The following EYS variants were observed in gnomAD, a reference collection of about 807,000 sequenced individuals.
EYS encodes the protein protein eyes shut homolog.
Under a neutral mutation model 282.1 loss-of-function variants are expected in EYS, and 250 were observed. The observed-to-expected ratio is 0.89, with a 90% CI of 0.80 to 0.98. The LOEUF is 0.98. Ranked by LOEUF, EYS falls within the 50% of genes least tolerant of loss-of-function variation. The pLI, the probability that EYS is intolerant of heterozygous loss-of-function variation, is 0.00. For missense variants in EYS, 4,016 were observed against 3,709.0 expected, an observed-to-expected ratio of 1.08 and a Z score of -2.15; for synonymous variants, 1,355 against 1,282.9, an observed-to-expected ratio of 1.06 and a Z score of -1.20.
intron 18 of EYS, among the ~76,000 whole-genome samples, chr6:64,898,042 A>C (rs1273509461): frequency 6.6e-6 from 1 of 152,224 alleles, no homozygotes; most frequent in African/African-American, 2.4e-5. Flanking sequence ...TCAGGATATC[A>C]TCTAGGAGAA....
chr6:64,011,396 G>A (rs910666825), intron 33 of EYS, among the ~76,000 whole-genome samples: 1 of 152,100 alleles, frequency 6.6e-6, no homozygotes, highest in African/African-American at 2.4e-5. Flanking sequence ...TAATTTGTGA[G>A]AGGTAGGATG....
intron 8 of EYS, among the ~76,000 whole-genome samples, chr6:65,354,492 T>C (rs1764402226): frequency 6.6e-6 from 1 of 151,684 alleles, no homozygotes; most frequent in Admixed American, 6.6e-5. Flanking sequence ...ACAACAACCT[T>C]AAAGTATGAG....
In EYS at chr6:65,344,018, A is replaced by G; in HGVS notation, c.1599+20T>C. 6.2e-7 allele frequency: 1 copy of G among 1,602,408 alleles called. No individual in the cohort carries two copies. Among genetic ancestry groups the G allele is most frequent in the African/African-American group, 1.3e-5 (1 of 74,602 alleles). Reference sequence around the variant, plus strand: ...AAGCTAAAGAGAAAAATGAAAAGCAACTACATAAAATTACCTTACCTCTTT... The same window carrying G: ...AAGCTAAAGAGAAAAATGAAAAGCAGCTACATAAAATTACCTTACCTCTTT... On this transcript the variant is annotated intron_variant, in intron 10 of 42. Transcript: ENST00000503581.
intron 24 of EYS, among the ~76,000 whole-genome samples, chr6:64,593,881 T>C (rs1582933176): frequency 6.6e-6 from 1 of 152,078 alleles, no homozygotes; most frequent in East Asian, 1.9e-4. Context: ...TGAATGAAAA[T>C]TGCGATAATG....
At chr6:65,243,881 C>T (rs1767115258) in intron 12 of EYS, among the ~76,000 whole-genome samples, 1 of 152,218 alleles carries the variant, frequency 6.6e-6, no homozygotes, top group Admixed American at 6.5e-5. Flanking sequence ...TGAACTCTAG[C>T]CTAGGTGACT....
At chr6:64,819,327 T>C (rs1255018757) in intron 21 of EYS, among the ~76,000 whole-genome samples, 1 of 152,162 alleles carries the variant, frequency 6.6e-6, no homozygotes. Flanking sequence ...AGAGTACACT[T>C]AATGTATTAG....
chr6:64,408,082 T>C (rs950667571), intron 28 of EYS, among the ~76,000 whole-genome samples: 2 of 152,068 alleles, frequency 1.3e-5, no homozygotes, highest in African/African-American at 4.8e-5. Flanking sequence ...CCATAAATTA[T>C]CTTTGGAGTA....
At position 63,804,650 on chromosome 6, in the gene EYS, C is replaced by T. The variant is rs142953666; in HGVS notation, c.7411+1540G>A. On this transcript the variant is annotated intron_variant, in intron 37 of 42. Coordinates refer to ENST00000503581, the MANE Select transcript of EYS (RefSeq NM_001142800.2). ...AAAAGCACAGAGATAGTGAGAGTGG[C>T]CTGGTTGTGTTCAGAGATGCAGACT... Among the ~76,000 whole-genome samples, 338 of 152,238 alleles carry T rather than the reference C, an allele frequency of 2.2e-3. 1 individual carries two copies. Among genetic ancestry groups the T allele is most frequent in the African/African-American group, 7.8e-3 (324 of 41,532 alleles).
chr6:64,116,471 G>A (rs149902236), intron 31 of EYS, among the ~76,000 whole-genome samples: 1 of 152,188 alleles, frequency 6.6e-6, no homozygotes, highest in African/African-American at 2.4e-5. Flanking sequence ...ATCACAAAGA[G>A]ACAGAAAGGA....
chr6:63,736,862 G>C (rs1768926968), intron 41 of EYS, among the ~76,000 whole-genome samples: 1 of 152,136 alleles, frequency 6.6e-6, no homozygotes, highest in East Asian at 1.9e-4. Flanking sequence ...GTGAATGGGA[G>C]TTCACTCATG....
intron 2 of EYS, among the ~76,000 whole-genome samples, chr6:65,606,680 T>A (rs556179470): frequency 5.9e-5 from 9 of 151,966 alleles, no homozygotes; most frequent in African/African-American, 2.2e-4. Context: ...AACAATTTAA[T>A]ACATTTAAAA....
chr6:65,641,183 G>A (rs1436306499), intron 1 of EYS, among the ~76,000 whole-genome samples: 1 of 152,226 alleles, frequency 6.6e-6, no homozygotes, highest in Non-Finnish European at 1.5e-5. Flanking sequence ...GGAAGCAACA[G>A]CCATAACCTC....
chr6:64,164,567 T>C (rs1775208659), intron 31 of EYS, among the ~76,000 whole-genome samples: 1 of 152,090 alleles, frequency 6.6e-6, no homozygotes, highest in East Asian at 1.9e-4. Context: ...ATAGCCACCA[T>C]GTTGATATTG....
intron 35 of EYS, among the ~76,000 whole-genome samples, chr6:63,973,057 T>C (rs1766659831): frequency 6.6e-6 from 1 of 152,162 alleles, no homozygotes; most frequent in African/African-American, 2.4e-5. Flanking sequence ...TTATAATCCT[T>C]TGGGTATATA....
intron 29 of EYS, among the ~76,000 whole-genome samples, chr6:64,358,251 C>T (rs1452279485): frequency 6.6e-6 from 1 of 151,730 alleles, no homozygotes; most frequent in Non-Finnish European, 1.5e-5. Flanking sequence ...GTCAAAATAG[C>T]ATCTGAAAGG....
intron 2 of EYS, among the ~76,000 whole-genome samples, chr6:65,544,270 T>C (rs1277496793): frequency 6.6e-6 from 1 of 152,134 alleles, no homozygotes; most frequent in Non-Finnish European, 1.5e-5. Context: ...TTTTTAAAAA[T>C]TCACTTAAGT....
At chr6:64,782,166 T>C (rs1773883423) in intron 22 of EYS, among the ~76,000 whole-genome samples, 1 of 152,238 alleles carries the variant, frequency 6.6e-6, no homozygotes, top group African/African-American at 2.4e-5. Context: ...ACAAGAATGT[T>C]GTAGAAACAA....
chr6:65,676,880 G>A lies in EYS; in HGVS notation c.-448+30255C>T, dbSNP rs1582591988. On this transcript the variant is annotated intron_variant, in intron 1 of 42. Coordinates refer to ENST00000503581, the MANE Select transcript of EYS (RefSeq NM_001142800.2). ...ATGACCAAGTGGGATTTCTCTCAGG[G>A]ATGAAGGGACTGTTCAACATAGGAA... Among the ~76,000 whole-genome samples the A allele has an allele frequency of 2.6e-5, 4 of 151,666 alleles. 1 individual carries two copies. Among genetic ancestry groups the A allele is most frequent in the African/African-American group, 9.7e-5 (4 of 41,424 alleles).
At chr6:64,890,151 C>A (rs2150065310) in intron 18 of EYS, among the ~76,000 whole-genome samples, 1 of 151,688 alleles carries the variant, frequency 6.6e-6, no homozygotes, top group Middle Eastern at 3.4e-3. Flanking sequence ...GAGGAAATTC[C>A]TGCCTGATAA....
Sources: gnomAD v4.1 joint callset for allele counts (sites outside exome capture counted in the v4.1 genomes callset) on GRCh38, gnomAD v4.1.1 for gene constraint, MANE v1.5 for transcripts, NCBI Gene and HGNC (gene_info 2026-07-23, HGNC 2026-07-21) for gene names.